The following UGT2B4 variants were observed in gnomAD, a reference collection of about 807,000 sequenced individuals.
UGT2B4 encodes UDP-glucuronosyltransferase 2B4.
Under a neutral mutation model 49.8 loss-of-function variants are expected in UGT2B4, and 49 were observed. The ratio of observed to expected loss-of-function variants is 0.98; its 90% CI spans 0.78 to 1.25. The LOEUF (loss-of-function observed/expected upper bound fraction) is 1.25, where lower values mean the gene tolerates loss of function less well. Ranked by LOEUF, UGT2B4 falls within the 50% of genes most tolerant of loss-of-function variation. The pLI is 0.00. For missense variants in UGT2B4, 729 were observed against 627.7 expected, an observed-to-expected ratio of 1.16 and a Z score of -1.73; for synonymous variants, 246 against 217.7, an observed-to-expected ratio of 1.13 and a Z score of -1.14.
chr4:69,506,924 G>A (rs1030070684), intron 1 of UGT2B4, among the ~76,000 whole-genome samples: 1 of 151,960 alleles, frequency 6.6e-6, no homozygotes, highest in East Asian at 1.9e-4. Flanking sequence ...CTCAGCCTAC[G>A]GAAATAAATA....
intron 1 of UGT2B4, among the ~76,000 whole-genome samples, chr4:69,512,268 A>G (rs186204870): frequency 3.2e-3 from 491 of 151,878 alleles, no homozygotes; most frequent in South Asian, 0.014. Context: ...CTTTTTTAAT[A>G]TAGTTGTGAC....
intron 4 of UGT2B4, 73 bp downstream of exon 4, chr4:69,486,536 T>A: frequency 9.9e-7 from 1 of 1,007,202 alleles, no homozygotes. Context: ...TCAGTAAGCT[T>A]GTTTCATGAT....
intron 2 of UGT2B4, among the ~76,000 whole-genome samples, chr4:69,489,980 T>G (rs1727931677): frequency 6.6e-6 from 1 of 152,150 alleles, no homozygotes; most frequent in Non-Finnish European, 1.5e-5. Flanking sequence ...TTCTACAGAA[T>G]TATTTTAGTT....
At chr4:69,519,096 A>G (rs1728791935) in intron 1 of UGT2B4, among the ~76,000 whole-genome samples, 1 of 152,190 alleles carries the variant, frequency 6.6e-6, no homozygotes, top group African/African-American at 2.4e-5. Context: ...GCAGAAGCCT[A>G]CAGAAGAAAG....
At chr4:69,487,193 G>A (rs976834923) in intron 3 of UGT2B4, among the ~76,000 whole-genome samples, 13 of 152,112 alleles carry the variant, frequency 8.5e-5, no homozygotes, top group Non-Finnish European at 7.4e-5. Context: ...AATCCTAGAG[G>A]CAGAAATACC....
intron 1 of UGT2B4, among the ~76,000 whole-genome samples, chr4:69,501,042 C>A (rs542589830): frequency 6.6e-6 from 1 of 152,252 alleles, no homozygotes; most frequent in African/African-American, 2.4e-5. Flanking sequence ...CGGCCACCTG[C>A]AAGCGCCACC....
intron 1 of UGT2B4, among the ~76,000 whole-genome samples, chr4:69,507,861 A>T (rs186782332): frequency 1.6e-3 from 250 of 152,360 alleles, no homozygotes; most frequent in Non-Finnish European, 3.0e-3. Flanking sequence ...GACAAATGAC[A>T]TCTAACTAAA....
rs531563252 is a variant in UGT2B4 at position 69,507,329 on chromosome 4, G to A, written c.-105-11363C>T. ...AATCCTATATCTAGAAAACTCCATC[G>A]TCTCGGGCCAAAAGCTTTTTAAGGT... is the stretch of plus-strand genomic sequence containing the variant. On this transcript the variant is annotated intron_variant, in intron 1 of 1. Transcript: ENST00000510114. Among the ~76,000 whole-genome samples the A allele has an allele frequency of 3.9e-5, 6 of 152,158 alleles. No homozygotes were observed. In the South Asian group the frequency reaches 1.0e-3, roughly 26 times the overall value.
intron 5 of UGT2B4, 147 bp downstream of exon 5, chr4:69,485,061 C>A (rs1459298641): frequency 1.0e-6 from 1 of 988,494 alleles, no homozygotes; most frequent in Non-Finnish European, 1.5e-6. Flanking sequence ...TAAATAACCA[C>A]TCAAAAATAA....
intron 1 of UGT2B4, among the ~76,000 whole-genome samples, chr4:69,502,339 A>G (rs1197645322): frequency 1.3e-5 from 2 of 151,648 alleles, no homozygotes; most frequent in Non-Finnish European, 2.9e-5. Context: ...CGAGGTATTA[A>G]CACAGTCCTT....
upstream of UGT2B4, among the ~76,000 whole-genome samples, chr4:69,500,812 G>C (rs539452021): frequency 1.3e-5 from 2 of 152,010 alleles, no homozygotes; most frequent in African/African-American, 4.8e-5. Context: ...TGCAACCCTC[G>C]GGTCAGGAAG....
chr4:69,500,311 G>A (rs1728267788), upstream of UGT2B4, among the ~76,000 whole-genome samples: 1 of 152,012 alleles, frequency 6.6e-6, no homozygotes, highest in Non-Finnish European at 1.5e-5. Flanking sequence ...TCGGTGATGG[G>A]TTGATAGCTG....
In UGT2B4 at chr4:69,486,614, A is replaced by C; in HGVS notation, c.1085T>G (p.Leu362Arg). Residue 362 changes from leucine (L) to arginine (R), a missense_variant, in exon 4 of 6, where the codon CTT becomes CGT. Physicochemically the swap from Leu to Arg is moderately radical, Grantham distance 102. Coordinates refer to ENST00000305107, the MANE Select transcript of UGT2B4 (RefSeq NM_021139.3). ...RLYKWIPQND[L>R]LGHPKTRAFI... ...TTTGTTCTTCAGAGACTTACCAAGA[A>C]GATCATTCTGGGGTATCCACTTGTA... The C allele has an allele frequency of 6.3e-7, 1 of 1,593,520 alleles. No homozygotes were observed. The highest frequency in any genetic ancestry group is 8.5e-7 in the Non-Finnish European group (1 of 1,172,048).
At chr4:69,509,354 G>A (rs918522170) in intron 1 of UGT2B4, among the ~76,000 whole-genome samples, 9 of 151,764 alleles carry the variant, frequency 5.9e-5, no homozygotes, top group African/African-American at 2.2e-4. Context: ...TGTATTTTTA[G>A]TACAGATGGG....
chr4:69,517,871 C>CT, intron 1 of UGT2B4: 1 of 171,170 alleles, frequency 5.8e-6, no homozygotes, highest in Middle Eastern at 5.3e-4. Flanking sequence ...ATATTGCCAC[C>CT]TACAGAAGCT....
At chr4:69,510,195 G>T (rs1458282257) in intron 1 of UGT2B4, among the ~76,000 whole-genome samples, 1 of 152,034 alleles carries the variant, frequency 6.6e-6, no homozygotes, top group East Asian at 1.9e-4. Flanking sequence ...TCTATATTCT[G>T]TGACATAGGT....
At chr4:69,481,827 T>C (rs1050463617) in intron 5 of UGT2B4, among the ~76,000 whole-genome samples, 3 of 152,332 alleles carry the variant, frequency 2.0e-5, no homozygotes, top group African/African-American at 2.4e-5. Context: ...AAATGCCTCA[T>C]AGCCACATGC....
At chr4:69,505,447 T>C (rs1018417757) in intron 1 of UGT2B4, among the ~76,000 whole-genome samples, 6 of 152,122 alleles carry the variant, frequency 3.9e-5, no homozygotes, top group Admixed American at 2.0e-4. Context: ...AAAACAGAAT[T>C]TAAACAAAAA....
chr4:69,493,588 T>C, intron 2 of UGT2B4, 105 bp downstream of exon 2: 1 of 1,386,904 alleles, frequency 7.2e-7, no homozygotes, highest in African/African-American at 1.5e-5. Context: ...TGCTTTACTC[T>C]TCCCACTTCC....
Sources: allele counts gnomAD v4.1 joint callset (sites outside exome capture counted in the v4.1 genomes callset), GRCh38; gene constraint gnomAD v4.1.1; transcripts MANE v1.5; gene names NCBI Gene and HGNC (gene_info 2026-07-23, HGNC 2026-07-21).